CEP128: variants seen among roughly 807,000 people sequenced by gnomAD.
CEP128 encodes the protein centrosomal protein 128kDa.
In CEP128, 132 loss-of-function variants were observed where a neutral mutation model predicts 156.7. The observed-to-expected ratio is 0.84, with a 90% CI of 0.73 to 0.97. The LOEUF (loss-of-function observed/expected upper bound fraction) is 0.97, where lower values mean the gene tolerates loss of function less well. Among genes scored for constraint, CEP128 ranks in the 50% least tolerant of loss-of-function variants. The pLI, the probability that CEP128 is intolerant of heterozygous loss-of-function variation, is 0.00. For synonymous variants in CEP128, 469 were observed against 448.9 expected, an observed-to-expected ratio of 1.04 and a Z score of -0.57; for missense variants, 1,252 against 1,281.9, an observed-to-expected ratio of 0.98 and a Z score of 0.36.
chr14:80,876,109 T>G (rs1888268509), intron 8 of CEP128, among the ~76,000 whole-genome samples: 1 of 151,784 alleles, frequency 6.6e-6, no homozygotes. Flanking sequence ...AAATCTGAAG[T>G]CCTAAAAGAA....
At chr14:80,674,023 G>A (rs10136245) in intron 19 of CEP128, among the ~76,000 whole-genome samples, 15,028 of 151,254 alleles carry the variant, frequency 0.099, 2,456 homozygotes, top group African/African-American at 0.34. Context: ...ATCACCTTTC[G>A]TTTCTTAGAC....
intron 18 of CEP128, among the ~76,000 whole-genome samples, chr14:80,749,190 G>T (rs547097310): frequency 1.3e-5 from 2 of 152,268 alleles, no homozygotes; most frequent in South Asian, 4.1e-4. Flanking sequence ...AAAAGACTCT[G>T]CCTGGTAACC....
chr14:80,852,516 C>T (rs1886943375), intron 9 of CEP128, among the ~76,000 whole-genome samples: 1 of 151,398 alleles, frequency 6.6e-6, no homozygotes. Flanking sequence ...GAGAGAGTAA[C>T]AGAGTTAAGA....
At chr14:80,819,526 G>A (rs1197526307) in intron 13 of CEP128, among the ~76,000 whole-genome samples, 8 of 151,964 alleles carry the variant, frequency 5.3e-5, no homozygotes, top group African/African-American at 1.7e-4. Flanking sequence ...GATTACAGGC[G>A]TGAGCCACTG....
At chr14:80,719,124 CA>C (rs1439017088) in intron 19 of CEP128, among the ~76,000 whole-genome samples, 1 of 152,194 alleles carries the variant, frequency 6.6e-6, no homozygotes, top group Non-Finnish European at 1.5e-5. Context: ...AGTGCAATGA[CA>C]GTTTACAAAT....
intron 19 of CEP128, among the ~76,000 whole-genome samples, chr14:80,589,763 G>A (rs1020806566): frequency 3.3e-5 from 5 of 152,076 alleles, no homozygotes; most frequent in Non-Finnish European, 7.4e-5. Flanking sequence ...AATACCCCAA[G>A]GGTAAGAACT....
At chr14:80,537,173 ATT>A (rs377665352) in intron 21 of CEP128, among the ~76,000 whole-genome samples, 1 of 151,352 alleles carries the variant, frequency 6.6e-6, no homozygotes, top group African/African-American at 2.4e-5. Flanking sequence ...TATTCACAGT[ATT>A]TTTTTTTAAG....
chr14:80,516,179 G>T (rs886667896), intron 23 of CEP128, among the ~76,000 whole-genome samples: 2 of 152,236 alleles, frequency 1.3e-5, no homozygotes, highest in South Asian at 4.1e-4. Context: ...TAGTCAGCAG[G>T]TGATAAATCT....
chr14:80,642,853 C>G (rs1032327256), intron 19 of CEP128, among the ~76,000 whole-genome samples: 1 of 151,726 alleles, frequency 6.6e-6, no homozygotes, highest in African/African-American at 2.4e-5. Flanking sequence ...CCTCCCAGTT[C>G]AGGCAATTCT....
intron 19 of CEP128, among the ~76,000 whole-genome samples, chr14:80,699,695 T>C (rs1283313275): frequency 2.0e-5 from 3 of 152,122 alleles, no homozygotes; most frequent in African/African-American, 7.2e-5. Context: ...TATTTCTACC[T>C]CCTTAGTTAA....
intron 19 of CEP128, among the ~76,000 whole-genome samples, chr14:80,593,572 C>A (rs1246200362): frequency 1.3e-5 from 2 of 150,298 alleles, no homozygotes; most frequent in African/African-American, 2.5e-5. Context: ...AAAAGAAAAC[C>A]CCATCTTCTC....
intron 18 of CEP128, among the ~76,000 whole-genome samples, chr14:80,746,371 G>A (rs956829076): frequency 1.3e-5 from 2 of 152,146 alleles, no homozygotes; most frequent in African/African-American, 4.8e-5. Context: ...AGATGGTGTG[G>A]TATTGGCATA....
At chr14:80,907,688 T>G (rs1291483093) in intron 4 of CEP128, among the ~76,000 whole-genome samples, 1 of 143,602 alleles carries the variant, frequency 7.0e-6, no homozygotes, top group Non-Finnish European at 1.5e-5. Flanking sequence ...AACCTCAGCA[T>G]CAATCCACAA....
At chr14:80,745,737 A>T (rs1306301260) in intron 18 of CEP128, among the ~76,000 whole-genome samples, 3 of 152,130 alleles carry the variant, frequency 2.0e-5, no homozygotes, top group Admixed American at 6.6e-5. Context: ...ACATTGTATT[A>T]GAGGGTTATG....
At chr14:80,711,819 AC>A (rs1192867531) in intron 19 of CEP128, among the ~76,000 whole-genome samples, 1 of 152,088 alleles carries the variant, frequency 6.6e-6, no homozygotes, top group Non-Finnish European at 1.5e-5. Context: ...TATCTCATGT[AC>A]CCCATAAATA....
At position 80,781,387 on chromosome 14, in the gene CEP128, G is replaced by A. The variant is rs558672378; in HGVS notation, c.2212-3341C>T. 9.6e-4 allele frequency among the ~76,000 whole-genome samples: 145 copies of A among 151,070 alleles called. 2 individuals are homozygous for A. The highest frequency in any genetic ancestry group is 3.4e-3 in the African/African-American group (141 of 41,090). On this transcript the variant is annotated intron_variant, in intron 15 of 24. Coordinates refer to ENST00000555265, the MANE Select transcript of CEP128 (RefSeq NM_152446.5). ...CAGGAGAATTGCTTGAACCCGGGAG[G>A]CGGAAGCTGCAGTGAGCTGAGATTG...
intron 19 of CEP128, among the ~76,000 whole-genome samples, chr14:80,653,581 C>T (rs963245935): frequency 3.9e-5 from 6 of 151,970 alleles, no homozygotes; most frequent in African/African-American, 1.5e-4. Context: ...AAGGAGAAGT[C>T]GATGCTTGTC....
upstream of CEP128, among the ~76,000 whole-genome samples, chr14:80,942,790 TTC>T (rs1457896554): frequency 1.3e-5 from 2 of 151,980 alleles, no homozygotes; most frequent in East Asian, 1.9e-4. Context: ...CTCTCTTTCT[TTC>T]TCTCTCTCCC....
At chr14:80,519,971 T>C (rs1888660781) in intron 23 of CEP128, among the ~76,000 whole-genome samples, 1 of 152,164 alleles carries the variant, frequency 6.6e-6, no homozygotes, top group Non-Finnish European at 1.5e-5. Context: ...GTAAAAAAAT[T>C]ATGGGGCTGC....
Sources: allele counts gnomAD v4.1 joint callset (sites outside exome capture counted in the v4.1 genomes callset), GRCh38; gene constraint gnomAD v4.1.1; transcripts MANE v1.5; gene names NCBI Gene and HGNC (gene_info 2026-07-23, HGNC 2026-07-21).